The following VPS13C variants were observed in gnomAD, a reference collection of about 807,000 sequenced individuals.
VPS13C encodes the protein vacuolar protein sorting 13 homolog C, also known as intermembrane lipid transfer protein VPS13C.
In VPS13C, 358 loss-of-function variants were observed where a neutral mutation model predicts 456.8. That is an observed-to-expected ratio of 0.78 (90% confidence interval 0.72 to 0.86). The LOEUF (loss-of-function observed/expected upper bound fraction) is 0.86, where lower values mean the gene tolerates loss of function less well. Among genes scored for constraint, VPS13C ranks in the 40% least tolerant of loss-of-function variants. VPS13C has a pLI of 0.00. For synonymous variants in VPS13C, 1,578 were observed against 1,486.7 expected (o/e 1.06, Z -1.41); for missense variants, 4,818 against 4,385.4 (o/e 1.10, Z -2.79).
intron 74 of VPS13C, 71 bp downstream of exon 74, chr15:61,878,535 TG>T: frequency 6.5e-7 from 1 of 1,548,990 alleles, no homozygotes; most frequent in Non-Finnish European, 8.7e-7. Flanking sequence ...ATTGCACAAG[TG>T]GAGAGAATTA....
chr15:61,990,359 C>G (rs1047170187), intron 18 of VPS13C, among the ~76,000 whole-genome samples: 2 of 151,944 alleles, frequency 1.3e-5, no homozygotes. Context: ...TTTAGTCAAT[C>G]AAATAGGCAG....
intron 45 of VPS13C, among the ~76,000 whole-genome samples, chr15:61,944,420 T>G (rs535372121): frequency 6.6e-6 from 1 of 152,124 alleles, no homozygotes; most frequent in Non-Finnish European, 1.5e-5. Context: ...AAAGGAAACG[T>G]GGCACATATA....
chr15:62,049,033 T>C (rs1157270760), intron 1 of VPS13C, among the ~76,000 whole-genome samples: 2 of 150,824 alleles, frequency 1.3e-5, no homozygotes, highest in South Asian at 2.1e-4. Context: ...GTTGCGAAAA[T>C]TTTCTCCCAT....
chr15:61,967,553 A>C, intron 28 of VPS13C, 106 bp from the exon 29 acceptor site: 1 of 843,544 alleles, frequency 1.2e-6, no homozygotes, highest in African/African-American at 1.8e-5. Flanking sequence ...TTAAAAGAAA[A>C]TCTTTGCATA....
intron 82 of VPS13C, chr15:61,856,754 C>T: frequency 5.5e-6 from 1 of 180,484 alleles, no homozygotes; most frequent in East Asian, 2.0e-4. Flanking sequence ...CTTTGGAACA[C>T]ATAAGAAACA....
chr15:61,997,809 A>G (rs1250520343), intron 16 of VPS13C, among the ~76,000 whole-genome samples: 2 of 151,918 alleles, frequency 1.3e-5, no homozygotes, highest in Admixed American at 6.6e-5. Flanking sequence ...AACTATTTCA[A>G]TAGCCTCCTA....
At chr15:61,937,633 C>G (rs970518800) in intron 47 of VPS13C, among the ~76,000 whole-genome samples, 1 of 152,150 alleles carries the variant, frequency 6.6e-6, no homozygotes, top group African/African-American at 2.4e-5. Context: ...CGCCACCACG[C>G]CCGGCTAATT....
chr15:61,992,619 A>G (rs891824537), intron 16 of VPS13C, among the ~76,000 whole-genome samples: 1 of 152,178 alleles, frequency 6.6e-6, no homozygotes, highest in Non-Finnish European at 1.5e-5. Flanking sequence ...TGTAAAGACT[A>G]AGGATGGGCA....
chr15:61,970,273 A>C (rs1490581974), intron 27 of VPS13C, among the ~76,000 whole-genome samples: 1 of 152,192 alleles, frequency 6.6e-6, no homozygotes, highest in African/African-American at 2.4e-5. Context: ...CTGCAACCCC[A>C]GTCAACATCA....
At chr15:61,958,166 G>A (rs1046788431) in intron 37 of VPS13C, among the ~76,000 whole-genome samples, 7 of 151,780 alleles carry the variant, frequency 4.6e-5, no homozygotes, top group South Asian at 2.1e-4. Context: ...CATTTTTACT[G>A]CTGTATAATC....
Position 61,922,532 on chromosome 15 carries a change from T to C in VPS13C, c.6840A>G (p.Val2280=), listed in dbSNP as rs2043693406. The change falls in exon 54 of 85, where the codon GTA becomes GTG. Residue 2280 remains valine (V), a synonymous_variant. Transcript: ENST00000644861. ...ATTCTAAGGTAACTTGAATGGATTC[T>C]ACAACAACACCACAATTTTCCTCTA... The part of the protein sequence containing the change: ...SLIEENCGVV[V]ESIQVTLECG... 1 of 1,614,030 alleles carries C rather than the reference T, an allele frequency of 6.2e-7. No homozygotes were observed. The highest frequency in any genetic ancestry group is 8.5e-7 in the Non-Finnish European group (1 of 1,179,988).
chr15:61,946,127 G>C (rs2044596565), intron 44 of VPS13C, among the ~76,000 whole-genome samples, 180 bp downstream of exon 44: 1 of 152,086 alleles, frequency 6.6e-6, no homozygotes, highest in African/African-American at 2.4e-5. Context: ...AAATCACTGT[G>C]TATCAAGAGG....
In VPS13C at chr15:61,860,953, C is replaced by CTT. The variant is rs781045840; in HGVS notation, c.10952+2485_10952+2486dup. On this transcript the variant is annotated intron_variant, in intron 82 of 84. Transcript: ENST00000644861. ...GCATGTATGGTTAGTTATTTTCTTTCTTTTTTTTTTTTTTTTTTTTTTTTT... is the reference window on the plus strand; with the variant it reads ...GCATGTATGGTTAGTTATTTTCTTTCTTTTTTTTTTTTTTTTTTTTTTTTTTT... Among the ~76,000 whole-genome samples the CTT allele has an allele frequency of 1.1e-3, 97 of 89,692 alleles. 1 individual carries two copies. Among genetic ancestry groups the CTT allele is most frequent in the Non-Finnish European group, 1.5e-3 (68 of 44,702 alleles). The allele number at this position is 89,692 out of a possible 152,430, so 58.8% of individuals were successfully genotyped here.
chr15:62,010,144 C>T (rs888722867), intron 13 of VPS13C, among the ~76,000 whole-genome samples: 1 of 151,468 alleles, frequency 6.6e-6, no homozygotes, highest in Non-Finnish European at 1.5e-5. Flanking sequence ...GACCTGAGAT[C>T]GCACCACTGC....
At chr15:61,878,502 A>T in intron 74 of VPS13C, 105 bp downstream of exon 74, 1 of 1,437,176 alleles carries the variant, frequency 7.0e-7, no homozygotes, top group South Asian at 1.3e-5. Context: ...TAAGTAGTAA[A>T]GTTATCCTTT....
chr15:61,981,392 A>C lies in VPS13C; in HGVS notation c.2116T>G (p.Phe706Val). 3 of 1,612,852 alleles carry C rather than the reference A, an allele frequency of 1.9e-6. No individual in the cohort carries two copies. The highest frequency in any genetic ancestry group is 8.5e-7 in the Non-Finnish European group (1 of 1,179,566). The change falls in exon 22 of 85, where the codon TTC becomes GTC. Residue 706 changes from phenylalanine to valine, a missense_variant. Around this residue, in one of 3 missense-constraint regions of VPS13C, gnomAD observed 4,552 missense variants for 4,130.6 expected, o/e 1.10. Transcript: ENST00000644861. ...PSYLVVPQTG[F>V]HHEKSDLLIL... ...AGAAGATCTGACTTTTCATGGTGGA[A>C]ACCCGTCTGTGGAACTACTAGATAA...
intron 76 of VPS13C, among the ~76,000 whole-genome samples, 157 bp downstream of exon 76, chr15:61,875,575 A>C (rs188595188): frequency 6.6e-6 from 1 of 152,046 alleles, no homozygotes; most frequent in Non-Finnish European, 1.5e-5. Context: ...ATGTTATCTC[A>C]TGTACCTTTA....
chr15:61,967,023 T>G (rs572410504), intron 29 of VPS13C, among the ~76,000 whole-genome samples: 1 of 152,052 alleles, frequency 6.6e-6, no homozygotes, highest in African/African-American at 2.4e-5. Context: ...TGAACCCAAT[T>G]TAATATGACT....
At chr15:61,873,502 G>A in intron 77 of VPS13C, 93 bp from the exon 78 acceptor site, 1 of 1,233,204 alleles carries the variant, frequency 8.1e-7, no homozygotes, top group Non-Finnish European at 1.1e-6. Context: ...TTTAAAATAG[G>A]CAAACGATCT....
Sources: allele counts gnomAD v4.1 joint callset (sites outside exome capture counted in the v4.1 genomes callset), GRCh38; gene constraint gnomAD v4.1.1; regional missense constraint gnomAD v4.1.1; transcripts MANE v1.5; gene names NCBI Gene and HGNC (gene_info 2026-07-23, HGNC 2026-07-21).